The following EEA1 variants were observed in gnomAD, a reference collection of about 807,000 sequenced individuals.
The protein encoded by EEA1 is early endosome antigen 1.
A neutral mutation model predicts 209.2 loss-of-function variants in EEA1; 111 were observed. The ratio of observed to expected loss-of-function variants is 0.53; its 90% CI spans 0.45 to 0.62. The LOEUF (loss-of-function observed/expected upper bound fraction) is 0.62, where lower values mean the gene tolerates loss of function less well. Ranked by LOEUF, EEA1 falls within the 20% of genes least tolerant of loss-of-function variation. The pLI is 0.00. For missense variants in EEA1, 1,343 were observed against 1,530.8 expected, an observed-to-expected ratio of 0.88 and a Z score of 2.05; for synonymous variants, 536 against 540.6, an observed-to-expected ratio of 0.99 and a Z score of 0.12.
chr12:92,801,557 T>C (rs2136666396), intron 20 of EEA1, 43 bp downstream of exon 20: 2 of 1,279,374 alleles, frequency 1.6e-6, no homozygotes, highest in East Asian at 2.4e-5. Flanking sequence ...ATAAAGACCT[T>C]ACTATACTTT....
intron 1 of EEA1, among the ~76,000 whole-genome samples, chr12:92,913,341 C>T (rs2264423): frequency 0.96 from 145,959 of 152,328 alleles, 69,978 homozygotes; most frequent in East Asian, 1. Context: ...CTTGTATGTC[C>T]TCTTTTGAGA....
chr12:92,890,860 C>T (rs1267195433), intron 2 of EEA1, among the ~76,000 whole-genome samples: 1 of 151,998 alleles, frequency 6.6e-6, no homozygotes, highest in Admixed American at 6.6e-5. Context: ...GAGGACATAT[C>T]CAGAAACGTA....
chr12:92,833,338 C>A (rs78773603), intron 10 of EEA1, among the ~76,000 whole-genome samples: 5 of 152,094 alleles, frequency 3.3e-5, no homozygotes. Flanking sequence ...TTGTTAAAGA[C>A]CAAGTTTTGG....
At chr12:92,876,866 A>C (rs1319417247) in intron 2 of EEA1, among the ~76,000 whole-genome samples, 1 of 150,780 alleles carries the variant, frequency 6.6e-6, no homozygotes, top group Non-Finnish European at 1.5e-5. Context: ...ACAACAACAA[A>C]AAAACTTCTA....
intron 3 of EEA1, among the ~76,000 whole-genome samples, chr12:92,861,547 G>A (rs1054723001): frequency 1.3e-5 from 2 of 152,110 alleles, no homozygotes; most frequent in Non-Finnish European, 2.9e-5. Context: ...AGTACAAATG[G>A]TATCTCCAAA....
chr12:92,929,164 AG>A lies in EEA1; in HGVS notation c.-99del. 1 of 1,189,086 alleles carries A rather than the reference AG, an allele frequency of 8.4e-7. No homozygotes were observed. The highest frequency in any genetic ancestry group is 1.2e-6 in the Non-Finnish European group (1 of 865,386). 73.7% of individuals were successfully genotyped at this position (1,189,086 alleles called of 1,614,324 possible). On this transcript the variant is annotated 5_prime_UTR_variant, in exon 1 of 29. Coordinates refer to ENST00000322349, the MANE Select transcript of EEA1 (RefSeq NM_003566.4). The stretch of plus-strand genomic sequence containing the variant: ...CGCGGGCGGGAGGGACTGGGCCGGG[AG>A]GGGACCGGGAAGGAGGTCGGGGCGA...
chr12:92,794,151 A>G (rs1444520288), intron 21 of EEA1, among the ~76,000 whole-genome samples: 2 of 152,258 alleles, frequency 1.3e-5, no homozygotes, highest in Admixed American at 1.3e-4. Flanking sequence ...ACTGGCCATC[A>G]GAGAAATGCA....
At chr12:92,920,626 A>T (rs999656960) in intron 1 of EEA1, among the ~76,000 whole-genome samples, 2 of 146,902 alleles carry the variant, frequency 1.4e-5, no homozygotes, top group African/African-American at 2.6e-5. Context: ...TAAACGTTAG[A>T]CCTAAAACCA....
chr12:92,842,104 T>C (rs911257312), intron 10 of EEA1, among the ~76,000 whole-genome samples: 9 of 152,144 alleles, frequency 5.9e-5, no homozygotes, highest in South Asian at 2.1e-4. Flanking sequence ...CAAATACTGT[T>C]GGATGTAGTA....
At chr12:92,868,134 A>C (rs1288400770) in intron 2 of EEA1, among the ~76,000 whole-genome samples, 1 of 152,208 alleles carries the variant, frequency 6.6e-6, no homozygotes, top group African/African-American at 2.4e-5. Context: ...AGTATTGAGG[A>C]TGTGCCTCTG....
At position 92,778,117 on chromosome 12, in the gene EEA1, A is replaced by G. The variant is rs141563687; in HGVS notation, c.3717T>C (p.Leu1239=). ...CATTTAATGCTGTAATCTGCATGGT[A>G]AGTTTAGCCTCATTTTCTTCATGCT... ...MKKHEENEAK[L]TMQITALNEN... is the part of the protein sequence containing the mutation. The change falls in exon 26 of 29, where the codon CTT becomes CTC. Residue 1239 remains leucine (L), a synonymous_variant. Coordinates refer to ENST00000322349, the MANE Select transcript of EEA1 (RefSeq NM_003566.4). The G allele has an allele frequency of 6.1e-5, 98 of 1,613,382 alleles. No individual in the cohort carries two copies. In the African/African-American group the frequency reaches 1.2e-3, roughly 20 times the overall value.
At chr12:92,801,763 T>C (rs1245207578) in intron 19 of EEA1, 62 bp from the exon 20 acceptor site, 1 of 1,167,806 alleles carries the variant, frequency 8.6e-7, no homozygotes, top group African/African-American at 1.6e-5. Flanking sequence ...AGAAGTTTAG[T>C]TTATAACCTT....
At position 92,775,876 on chromosome 12, in the gene EEA1, C is replaced by T. The variant is rs1430763440; in HGVS notation, c.*135G>A. On this transcript the variant is annotated 3_prime_UTR_variant, in exon 29 of 29. Coordinates refer to ENST00000322349, the MANE Select transcript of EEA1 (RefSeq NM_003566.4). ...GTTTTACTTGATATCCATAACATTC[C>T]AAAATATACTAATTCCTATTTGGTC... 9 of 842,100 alleles carry T rather than the reference C, an allele frequency of 1.1e-5. No individual in the cohort carries two copies. In the South Asian group the frequency reaches 3.3e-4, roughly 31 times the overall value. 52.2% of individuals were successfully genotyped at this position (842,100 alleles called of 1,614,324 possible). A position where few individuals can be genotyped will look rare whatever the true frequency, so the allele number is the denominator to read the frequency against.
intron 2 of EEA1, among the ~76,000 whole-genome samples, chr12:92,886,229 T>C (rs11106731): frequency 0.62 from 88,641 of 143,576 alleles, 28,077 homozygotes; most frequent in East Asian, 0.94. Context: ...TAGCTGGACA[T>C]GGTGGCACAT....
chr12:92,811,866 A>T (rs184627979), intron 16 of EEA1, among the ~76,000 whole-genome samples: 54 of 152,202 alleles, frequency 3.5e-4, no homozygotes, highest in African/African-American at 1.2e-3. Flanking sequence ...GCACAAAAAA[A>T]AAAAAATAAA....
At chr12:92,796,108 AAC>A (rs1874643482) in intron 21 of EEA1, among the ~76,000 whole-genome samples, 1 of 152,086 alleles carries the variant, frequency 6.6e-6, no homozygotes, top group Admixed American at 6.5e-5. Flanking sequence ...AGATAAATGC[AAC>A]AGTTTGATAA....
intron 11 of EEA1, 141 bp from the exon 12 acceptor site, chr12:92,828,202 T>C (rs1043241825): frequency 1.8e-6 from 1 of 556,898 alleles, no homozygotes; most frequent in Admixed American, 4.3e-5. Context: ...AACCTAAGAT[T>C]TTATACAGTA....
rs1423260958 is a variant in EEA1 at position 92,801,799 on chromosome 12, CTA to C, written c.2671-100_2671-99del. On this transcript the variant is annotated intron_variant, in intron 19 of 28. Transcript: ENST00000322349. ...AGTAAGATACACACGAAGAAATAAA[CTA>C]AAATTATGATGAGCTAAGATGAGAC... 6 of 750,458 alleles carry C rather than the reference CTA, an allele frequency of 8.0e-6. No homozygotes were observed. The African/African-American group carries it at 1.1e-4, about 14-fold the overall frequency. The allele number at this position is 750,458 out of a possible 1,614,324, so 46.5% of individuals were successfully genotyped here. A position where few individuals can be genotyped will look rare whatever the true frequency, so the allele number is the denominator to read the frequency against.
At chr12:92,779,015 GGAA>G in intron 25 of EEA1, 97 bp downstream of exon 25, 1 of 1,048,134 alleles carries the variant, frequency 9.5e-7, no homozygotes, top group South Asian at 2.5e-5. Context: ...TAAAATGTTA[GGAA>G]AGCATTTCAA....
Sources: allele counts gnomAD v4.1 joint callset (sites outside exome capture counted in the v4.1 genomes callset), GRCh38; gene constraint gnomAD v4.1.1; transcripts MANE v1.5; gene names NCBI Gene and HGNC (gene_info 2026-07-23, HGNC 2026-07-21).